The following CHD6 variants were observed in gnomAD, a reference collection of about 807,000 sequenced individuals.
CHD6 encodes the protein chromodomain helicase DNA binding protein 6, also known as ATP-dependent chromatin remodeler CHD6.
Under a neutral mutation model 276.9 loss-of-function variants are expected in CHD6, and 50 were observed. The observed-to-expected ratio is 0.18, with a 90% CI of 0.14 to 0.23. The LOEUF is 0.23. Ranked by LOEUF, CHD6 falls within the 10% of genes least tolerant of loss-of-function variation. The probability of loss-of-function intolerance (pLI) is 1.00; values close to 1 mark genes in which losing one functional copy is unlikely to be tolerated. For missense variants in CHD6, 2,564 were observed against 3,365.8 expected (o/e 0.76, Z 5.89); for synonymous variants, 1,173 against 1,229.3 (o/e 0.95, Z 0.96).
intron 2 of CHD6, chr20:41,547,600 T>A (rs1049369538): frequency 8.9e-6 from 5 of 560,590 alleles, no homozygotes; most frequent in African/African-American, 1.9e-5. Context: ...AGGATTACAG[T>A]GAAACTGACG....
At chr20:41,538,403 A>G (rs2044877280) in intron 2 of CHD6, among the ~76,000 whole-genome samples, 1 of 152,202 alleles carries the variant, frequency 6.6e-6, no homozygotes. Context: ...GAAACATGCT[A>G]CACCATGGAT....
At position 41,489,801 on chromosome 20, in the gene CHD6, C is replaced by A; in HGVS notation, c.1657G>T (p.Glu553Ter). 6.2e-7 allele frequency: 1 copy of A among 1,614,000 alleles called. No individual in the cohort carries two copies. The highest frequency in any genetic ancestry group is 1.1e-5 in the South Asian group (1 of 91,062). ...ACCTGGGCGTCTCTGTACACCATTT[C>A]ATACTGCTGGATCATCTGCCTGCTG... ...QISRQMIQQYEMVYRDAQGNP... is the reference protein window; with the variant it reads ...QISRQMIQQY The change falls in exon 12 of 37, where the codon GAA (glutamate) becomes TAA (stop). Residue 553 changes from glutamate to a stop codon, truncating the protein, a stop_gained. Coordinates refer to ENST00000373233, the MANE Select transcript of CHD6 (RefSeq NM_032221.5). LOFTEE classifies it high-confidence loss of function.
At chr20:41,594,529 T>C (rs539050224) in intron 1 of CHD6, among the ~76,000 whole-genome samples, 7 of 152,342 alleles carry the variant, frequency 4.6e-5, no homozygotes, top group Non-Finnish European at 4.4e-5. Flanking sequence ...CTATAAAGTC[T>C]TTTGAAAACC....
chr20:41,584,723 G>GT (rs1300547291), intron 1 of CHD6, among the ~76,000 whole-genome samples: 1 of 151,890 alleles, frequency 6.6e-6, no homozygotes. Context: ...GATCAAAAAG[G>GT]AAGTAACAAG....
At chr20:41,523,485 C>T (rs988793891) in intron 3 of CHD6, among the ~76,000 whole-genome samples, 6 of 152,298 alleles carry the variant, frequency 3.9e-5, no homozygotes, top group African/African-American at 7.2e-5. Flanking sequence ...GCATTTATGA[C>T]ATGCAAGAAA....
intron 1 of CHD6, among the ~76,000 whole-genome samples, chr20:41,615,971 G>A (rs1161879491): frequency 6.6e-6 from 1 of 152,204 alleles, no homozygotes; most frequent in Non-Finnish European, 1.5e-5. Context: ...TTTCTGATAG[G>A]TTTTCTGCAA....
chr20:41,433,912 T>C (rs555416760), intron 27 of CHD6, among the ~76,000 whole-genome samples: 1 of 152,096 alleles, frequency 6.6e-6, no homozygotes, highest in African/African-American at 2.4e-5. Flanking sequence ...CATATAAATA[T>C]ATGAAACACC....
At chr20:41,453,172 T>C (rs1252164121) in intron 20 of CHD6, among the ~76,000 whole-genome samples, 1 of 152,020 alleles carries the variant, frequency 6.6e-6, no homozygotes, top group East Asian at 1.9e-4. Context: ...GTGCTGCTTG[T>C]CACCATCTGT....
intron 36 of CHD6, among the ~76,000 whole-genome samples, chr20:41,410,489 C>T (rs2046810015): frequency 6.6e-6 from 1 of 152,060 alleles, no homozygotes; most frequent in South Asian, 2.1e-4. Context: ...GGTTCTATGG[C>T]AAAGAAAAAG....
Position 41,576,545 on chromosome 20 carries a change from C to T in CHD6, c.-23-25185G>A, listed in dbSNP as rs142102588. Among the ~76,000 whole-genome samples the T allele has an allele frequency of 5.7e-4, 86 of 152,208 alleles. No homozygotes were observed. In the East Asian group the frequency reaches 0.013, roughly 22 times the overall value. On this transcript the variant is annotated intron_variant, in intron 1 of 36. Coordinates refer to ENST00000373233, the MANE Select transcript of CHD6 (RefSeq NM_032221.5). ...TACTAAAATACAAAAATTAGCTGGG[C>T]GTGGTGGCATGCACCTGTAGTCCCA...
chr20:41,451,861 T>C lies in CHD6; in HGVS notation c.3488A>G (p.Lys1163Arg). Residue 1163 changes from lysine to arginine, a missense_variant, in exon 22 of 37, where the codon AAA (lysine) becomes AGA (arginine). Transcript: ENST00000373233. ...CTGGAGGGTCTGGGCTTGCCCATCT[T>C]TGGTAGGTGTGATCAGTTCCCAAAT... ...SFIWELITPT[K>R]DGQAQTLQNH... 1 of 1,614,100 alleles carries C rather than the reference T, an allele frequency of 6.2e-7. No homozygotes were observed. Among genetic ancestry groups the C allele is most frequent in the South Asian group, 1.1e-5 (1 of 91,078 alleles).
intron 16 of CHD6, among the ~76,000 whole-genome samples, chr20:41,481,120 A>AT (rs1053646630): frequency 2.8e-3 from 424 of 150,188 alleles, no homozygotes; most frequent in African/African-American, 3.1e-3. Flanking sequence ...AAGAAAAAAA[A>AT]ATATATATAT....
intron 25 of CHD6, among the ~76,000 whole-genome samples, chr20:41,444,129 G>T (rs2047989713): frequency 6.6e-6 from 1 of 152,110 alleles, no homozygotes; most frequent in South Asian, 2.1e-4. Context: ...CTGGAATCTG[G>T]CTGCCTTTAG....
At chr20:41,415,965 G>T (rs375438178) in intron 33 of CHD6, among the ~76,000 whole-genome samples, 5 of 152,112 alleles carry the variant, frequency 3.3e-5, no homozygotes, top group Non-Finnish European at 7.4e-5. Flanking sequence ...GAATCACCTG[G>T]GAAGTTTAAA....
chr20:41,409,809 A>G (rs976160510), intron 36 of CHD6, among the ~76,000 whole-genome samples: 11 of 152,244 alleles, frequency 7.2e-5, no homozygotes, highest in African/African-American at 2.7e-4. Flanking sequence ...TGAAGTATTT[A>G]GGGGTGATAT....
intron 3 of CHD6, among the ~76,000 whole-genome samples, chr20:41,525,539 C>T (rs956074128): frequency 3.3e-5 from 5 of 152,194 alleles, no homozygotes; most frequent in African/African-American, 4.8e-5. Flanking sequence ...ACTTCTTTGT[C>T]CAGAAATTCA....
chr20:41,482,960 A>G (rs910977405), intron 16 of CHD6, among the ~76,000 whole-genome samples: 5 of 152,154 alleles, frequency 3.3e-5, no homozygotes, highest in Admixed American at 6.6e-5. Flanking sequence ...TATTTCTTTC[A>G]CCATTATTAA....
At chr20:41,531,042 A>G (rs186794690) in intron 3 of CHD6, among the ~76,000 whole-genome samples, 1 of 152,348 alleles carries the variant, frequency 6.6e-6, no homozygotes, top group East Asian at 1.9e-4. Flanking sequence ...TTTTGCCTAT[A>G]CATTTGGCAT....
At chr20:41,409,669 A>G (rs571472938) in intron 36 of CHD6, among the ~76,000 whole-genome samples, 6 of 152,216 alleles carry the variant, frequency 3.9e-5, no homozygotes, top group African/African-American at 1.4e-4. Context: ...AAACACAACA[A>G]CCAGCTCTAA....
Sources: allele counts gnomAD v4.1 joint callset (sites outside exome capture counted in the v4.1 genomes callset), GRCh38; gene constraint gnomAD v4.1.1; transcripts MANE v1.5; gene names NCBI Gene and HGNC (gene_info 2026-07-23, HGNC 2026-07-21).